PDE8A: variants seen among roughly 807,000 people sequenced by gnomAD.
The protein encoded by PDE8A is phosphodiesterase 8A.
Under a neutral mutation model 105.0 loss-of-function variants are expected in PDE8A, and 59 were observed. That is an observed-to-expected ratio of 0.56 (90% CI 0.46 to 0.70). The LOEUF (loss-of-function observed/expected upper bound fraction) is 0.70. Ranked by LOEUF, PDE8A falls within the 30% of genes least tolerant of loss-of-function variation. The pLI is 0.00. For synonymous variants in PDE8A, 355 were observed against 371.9 expected, an observed-to-expected ratio of 0.95 and a Z score of 0.52; for missense variants, 1,014 against 1,045.9, an observed-to-expected ratio of 0.97 and a Z score of 0.42.
At chr15:85,068,422 G>A (rs896305528) in intron 3 of PDE8A, among the ~76,000 whole-genome samples, 1 of 152,176 alleles carries the variant, frequency 6.6e-6, no homozygotes, top group Non-Finnish European at 1.5e-5. Flanking sequence ...AAGAAATGGA[G>A]AGAGCTCCGG....
chr15:85,097,757 A>T (rs1307963884), intron 8 of PDE8A, 191 bp from the exon 9 acceptor site: 6 of 557,652 alleles, frequency 1.1e-5, no homozygotes, highest in Non-Finnish European at 9.6e-6. Context: ...GACTTTTGTC[A>T]GCAACTCAGA....
chr15:85,049,679 C>G (rs1219371115), intron 1 of PDE8A, among the ~76,000 whole-genome samples: 2 of 152,176 alleles, frequency 1.3e-5, no homozygotes, highest in Non-Finnish European at 2.9e-5. Flanking sequence ...TCCCAAGTAC[C>G]TGGGACTGCA....
chr15:85,060,248 A>C (rs1352921751), intron 1 of PDE8A, among the ~76,000 whole-genome samples: 1 of 152,200 alleles, frequency 6.6e-6, no homozygotes, highest in East Asian at 1.9e-4. Context: ...CTAATGTTAT[A>C]TAAATATTTA....
At chr15:85,123,575 A>G (rs571846306) in intron 19 of PDE8A, among the ~76,000 whole-genome samples, 11 of 152,208 alleles carry the variant, frequency 7.2e-5, no homozygotes, top group African/African-American at 2.6e-4. Flanking sequence ...TCTCCTTTTC[A>G]TGTTTTTCTG....
chr15:84,989,937 T>C (rs1429631652), intron 1 of PDE8A, among the ~76,000 whole-genome samples: 1 of 152,234 alleles, frequency 6.6e-6, no homozygotes, highest in Non-Finnish European at 1.5e-5. Context: ...TTGTCTTATA[T>C]CTGTCCACTC....
chr15:85,093,666 C>A (rs1230512386), intron 8 of PDE8A, among the ~76,000 whole-genome samples: 2 of 152,152 alleles, frequency 1.3e-5, no homozygotes, highest in Non-Finnish European at 2.9e-5. Context: ...GTCAGTGGCT[C>A]CTCTTTTGGG....
At chr15:85,111,582 C>G (rs1263829742) in intron 12 of PDE8A, among the ~76,000 whole-genome samples, 1 of 152,208 alleles carries the variant, frequency 6.6e-6, no homozygotes, top group Non-Finnish European at 1.5e-5. Context: ...ACCAATATCA[C>G]AATCAGTTAC....
At chr15:85,028,762 A>G (rs2080561653) in intron 1 of PDE8A, among the ~76,000 whole-genome samples, 1 of 150,592 alleles carries the variant, frequency 6.6e-6, no homozygotes, top group Non-Finnish European at 1.5e-5. Context: ...CCTCCCGAGC[A>G]CCTCCCAGCA....
intron 6 of PDE8A, among the ~76,000 whole-genome samples, 170 bp downstream of exon 6, chr15:85,083,814 A>G (rs896495932): frequency 6.6e-6 from 1 of 152,330 alleles, no homozygotes; most frequent in Middle Eastern, 3.4e-3. Flanking sequence ...CTGGATGTCT[A>G]ATAAGGGGTC....
At position 85,078,548 on chromosome 15, in the gene PDE8A, CAAAAA is replaced by C. The variant is rs72174562; in HGVS notation, c.546+1779_546+1783del. ...CTGGCAACAGAGCGATACTCCATCTCAAAAAAAAAAAAAAAAAAAAAAGAAAGAAA... is the reference window on the plus strand; with the variant it reads ...CTGGCAACAGAGCGATACTCCATCTCAAAAAAAAAAAAAAAAAGAAAGAAA... On this transcript the variant is annotated intron_variant, in intron 5 of 21. Coordinates refer to ENST00000394553, the MANE Select transcript of PDE8A (RefSeq NM_002605.3). 1.1e-3 allele frequency among the ~76,000 whole-genome samples: 104 copies of C among 94,364 alleles called. 1 individual carries two copies. Among genetic ancestry groups the C allele is most frequent in the East Asian group, 1.1e-3 (3 of 2,708 alleles). The allele number at this position is 94,364 out of a possible 152,430, so 61.9% of individuals were successfully genotyped here. A position where few individuals can be genotyped will look rare whatever the true frequency, so the allele number is the denominator to read the frequency against.
chr15:85,012,738 A>G (rs2141335852), intron 1 of PDE8A, among the ~76,000 whole-genome samples: 1 of 152,302 alleles, frequency 6.6e-6, no homozygotes, highest in Admixed American at 6.5e-5. Flanking sequence ...TAATGGTTTT[A>G]ACATACAGTA....
intron 5 of PDE8A, among the ~76,000 whole-genome samples, chr15:85,080,249 AACAT>A (rs1171808274): frequency 6.6e-6 from 1 of 152,118 alleles, no homozygotes; most frequent in African/African-American, 2.4e-5. Flanking sequence ...CAACCCCCAC[AACAT>A]ACATACACAT....
At chr15:85,048,943 A>G (rs1422251283) in intron 1 of PDE8A, among the ~76,000 whole-genome samples, 1 of 152,178 alleles carries the variant, frequency 6.6e-6, no homozygotes, top group Non-Finnish European at 1.5e-5. Context: ...TCTACTAAAA[A>G]TAACAAAAAT....
At chr15:85,109,622 A>C (rs1200054670) in intron 12 of PDE8A, among the ~76,000 whole-genome samples, 1 of 152,260 alleles carries the variant, frequency 6.6e-6, no homozygotes, top group Non-Finnish European at 1.5e-5. Context: ...TTTGAAATGT[A>C]GTCAACATTG....
chr15:85,090,881 G>A (rs1374428077), intron 7 of PDE8A, 163 bp from the exon 8 acceptor site: 5 of 685,002 alleles, frequency 7.3e-6, no homozygotes, highest in Admixed American at 2.1e-5. Context: ...AGAATTCTTC[G>A]TGGGTTATGT....
chr15:85,049,155 C>CT (rs2141413974), intron 1 of PDE8A, among the ~76,000 whole-genome samples: 1 of 152,092 alleles, frequency 6.6e-6, no homozygotes, highest in Non-Finnish European at 1.5e-5. Flanking sequence ...CAGATGTCTC[C>CT]TTTTTTCCTG....
At chr15:85,048,851 A>G (rs1225426902) in intron 1 of PDE8A, among the ~76,000 whole-genome samples, 1 of 152,242 alleles carries the variant, frequency 6.6e-6, no homozygotes, top group Non-Finnish European at 1.5e-5. Flanking sequence ...CTATAATTCC[A>G]GTACTTTGGG....
At chr15:85,072,502 CAT>C (rs1186668463) in intron 3 of PDE8A, among the ~76,000 whole-genome samples, 3 of 152,208 alleles carry the variant, frequency 2.0e-5, no homozygotes, top group East Asian at 1.9e-4. Context: ...ATGGACCTAT[CAT>C]GTGTATCTTC....
At position 85,136,654 on chromosome 15, in the gene PDE8A, G is replaced by A. The variant is rs765757912; in HGVS notation, c.2374G>A (p.Ala792Thr). Residue 792 changes from alanine (A) to threonine (T), a missense_variant, in exon 21 of 22, where the codon GCT becomes ACT. Ala to Thr is a moderately conservative substitution (Grantham distance 58). Transcript: ENST00000394553. ...TTACTTCATCACAGACATGTTTGAT[G>A]CTTGGGATGGTAAGAAATCTTCCTT... Reference protein sequence around the residue: ...IDYFITDMFDAWDAFVDLPDL... With the variant: ...IDYFITDMFDTWDAFVDLPDL... The A allele has an allele frequency of 2.5e-6, 4 of 1,613,458 alleles. 1 individual carries two copies. In the South Asian group the frequency reaches 4.4e-5, roughly 18 times the overall value.
Sources: allele counts gnomAD v4.1 joint callset (sites outside exome capture counted in the v4.1 genomes callset), GRCh38; gene constraint gnomAD v4.1.1; transcripts MANE v1.5; gene names NCBI Gene and HGNC (gene_info 2026-07-23, HGNC 2026-07-21).